DLGAP2: variants seen among roughly 807,000 people sequenced by gnomAD.
The protein encoded by DLGAP2 is DLG associated protein 2.
DLGAP2 carries 26 observed loss-of-function variants against 100.3 expected under a neutral mutation model. The ratio of observed to expected loss-of-function variants is 0.26; its 90% CI spans 0.19 to 0.36. The LOEUF (loss-of-function observed/expected upper bound fraction) is 0.36, where lower values mean the gene tolerates loss of function less well. Among genes scored for constraint, DLGAP2 ranks in the 10% least tolerant of loss-of-function variants. DLGAP2 has a pLI of 1.00. For missense variants in DLGAP2, 1,858 were observed against 1,453.2 expected, an observed-to-expected ratio of 1.28 and a Z score of -4.53; for synonymous variants, 886 against 630.1, an observed-to-expected ratio of 1.41 and a Z score of -6.08.
chr8:1,249,498 C>G lies in DLGAP2; in HGVS notation c.74-9353C>G, dbSNP rs181031032. Among the ~76,000 whole-genome samples the G allele has an allele frequency of 7.2e-5, 11 of 152,318 alleles. No homozygotes were observed. In the East Asian group the frequency reaches 2.1e-3, roughly 29 times the overall value. On this transcript the variant is annotated intron_variant, in intron 2 of 14. Transcript: ENST00000637795. ...ATAAAAAGCTAGGAAAGAGATTGCA[C>G]TGAACAATCTTTTGCTTGATGAAAT...
At chr8:1,589,589 C>G (rs1796229067) in intron 6 of DLGAP2, among the ~76,000 whole-genome samples, 2 of 152,306 alleles carry the variant, frequency 1.3e-5, no homozygotes, top group East Asian at 3.9e-4. Context: ...CTTGCGCCAC[C>G]ATGCCCAGCT....
intron 2 of DLGAP2, among the ~76,000 whole-genome samples, chr8:922,950 G>A (rs1160765434): frequency 6.6e-6 from 1 of 152,158 alleles, no homozygotes; most frequent in East Asian, 1.9e-4. Flanking sequence ...ATAGAGGGAG[G>A]TGCCCAGGGC....
chr8:1,484,158 AGGTGCCAAGGCCACAGCCTCCT>A lies in DLGAP2; in HGVS notation c.107-17205_107-17184del, dbSNP rs1421327085. Among the ~76,000 whole-genome samples, 3 of 152,214 alleles carry A rather than the reference AGGTGCCAAGGCCACAGCCTCCT, an allele frequency of 2.0e-5. No homozygotes were observed. The East Asian group carries it at 5.8e-4, about 29-fold the overall frequency. Reference sequence around the variant, plus strand: ...AGAGAGCAGCCAGGGCAGGCCCTCCAGGTGCCAAGGCCACAGCCTCCTGGGCTCTGAGCTCCATGAGCTTCTG... The same window carrying A: ...AGAGAGCAGCCAGGGCAGGCCCTCCAGGGCTCTGAGCTCCATGAGCTTCTG... On this transcript the variant is annotated intron_variant, in intron 3 of 14. Transcript: ENST00000637795.
chr8:1,548,873 G>A lies in DLGAP2; in HGVS notation c.420G>A (p.Ser140=), dbSNP rs1358785414. The change falls in exon 5 of 15, where the codon TCG becomes TCA. Residue 140 remains serine (S), a synonymous_variant. Coordinates refer to ENST00000637795, the MANE Select transcript of DLGAP2 (RefSeq NM_001346810.2). Reference sequence around the variant, plus strand: ...GCCACCGCTGCTCGCCGCGCAGCTCGGTGCACTCGGAGTGCGTGATGATGC... The same window carrying A: ...GCCACCGCTGCTCGCCGCGCAGCTCAGTGCACTCGGAGTGCGTGATGATGC... The part of the protein sequence containing the change: ...GGRHRCSPRS[S]VHSECVMMPV... 1.9e-6 allele frequency: 3 copies of A among 1,592,572 alleles called. No individual in the cohort carries two copies. The highest frequency in any genetic ancestry group is 1.1e-5 in the South Asian group (1 of 90,000).
At chr8:1,593,988 T>C (rs1467725054) in intron 6 of DLGAP2, among the ~76,000 whole-genome samples, 1 of 152,146 alleles carries the variant, frequency 6.6e-6, no homozygotes, top group Non-Finnish European at 1.5e-5. Flanking sequence ...TCCAGCCACA[T>C]AGGGGAGGAC....
chr8:1,043,807 G>C (rs1802440938), intron 2 of DLGAP2, among the ~76,000 whole-genome samples: 1 of 152,012 alleles, frequency 6.6e-6, no homozygotes, highest in African/African-American at 2.4e-5. Context: ...TCAGGGGTGG[G>C]CAATGCCTCT....
chr8:1,126,362 A>G (rs1193581849), intron 2 of DLGAP2, among the ~76,000 whole-genome samples: 1 of 152,034 alleles, frequency 6.6e-6, no homozygotes, highest in African/African-American at 2.4e-5. Flanking sequence ...GGAGGGAGGC[A>G]GGGGAGAGAA....
At chr8:1,287,471 C>CCT (rs1554434764) in intron 3 of DLGAP2, among the ~76,000 whole-genome samples, 1 of 23,330 alleles carries the variant, frequency 4.3e-5, no homozygotes, top group Non-Finnish European at 6.8e-5. Context: ...TTCGGTTCAG[C>CCT]GTGTGTGTGT....
At chr8:789,607 T>C (rs546509652) in intron 1 of DLGAP2, among the ~76,000 whole-genome samples, 6 of 152,308 alleles carry the variant, frequency 3.9e-5, no homozygotes, top group African/African-American at 1.4e-4. Flanking sequence ...GTTAGGTAAT[T>C]CTTATTCTTT....
chr8:1,603,365 G>A (rs1470301648), intron 6 of DLGAP2, among the ~76,000 whole-genome samples: 2 of 151,254 alleles, frequency 1.3e-5, no homozygotes, highest in African/African-American at 4.9e-5. Context: ...ATAGAGGCTG[G>A]TTAGAATGGA....
intron 3 of DLGAP2, among the ~76,000 whole-genome samples, chr8:1,342,173 C>CT (rs1232445513): frequency 6.6e-6 from 1 of 152,008 alleles, no homozygotes; most frequent in Non-Finnish European, 1.5e-5. Flanking sequence ...GTCTCAATAC[C>CT]TGGTCTCAAG....
chr8:1,345,918 C>G (rs1190449545), intron 3 of DLGAP2, among the ~76,000 whole-genome samples: 1 of 152,174 alleles, frequency 6.6e-6, no homozygotes, highest in Non-Finnish European at 1.5e-5. Context: ...TGAAGTGACT[C>G]CAGGCAGGAA....
intron 3 of DLGAP2, among the ~76,000 whole-genome samples, chr8:1,473,172 C>T (rs1798845908): frequency 6.6e-6 from 1 of 152,238 alleles, no homozygotes; most frequent in African/African-American, 2.4e-5. Context: ...CTCAGATGAT[C>T]CATCCGTCTT....
intron 2 of DLGAP2, among the ~76,000 whole-genome samples, chr8:1,010,575 C>T (rs994424562): frequency 6.6e-6 from 1 of 152,224 alleles, no homozygotes; most frequent in Non-Finnish European, 1.5e-5. Flanking sequence ...TACTGGTAAT[C>T]TGCAAGTCCA....
chr8:1,258,925 C>T lies in DLGAP2; in HGVS notation c.106+42C>T, dbSNP rs576960176. The T allele has an allele frequency of 1.1e-4, 140 of 1,230,732 alleles. 1 individual carries two copies. The East Asian group carries it at 3.7e-3, about 32-fold the overall frequency. The allele number at this position is 1,230,732 out of a possible 1,614,324, so 76.2% of individuals were successfully genotyped here. A position where few individuals can be genotyped will look rare whatever the true frequency, so the allele number is the denominator to read the frequency against. Reference sequence around the variant, plus strand: ...CTGCCTGGGGTGGGCGGGGGCCGCGCGGCTCACAGGTGTGTGGCTGGCAAC... The same window carrying T: ...CTGCCTGGGGTGGGCGGGGGCCGCGTGGCTCACAGGTGTGTGGCTGGCAAC... On this transcript the variant is annotated intron_variant, in intron 3 of 14. Coordinates refer to ENST00000637795, the MANE Select transcript of DLGAP2 (RefSeq NM_001346810.2).
chr8:1,006,197 A>C (rs1016997434), intron 2 of DLGAP2, among the ~76,000 whole-genome samples: 1 of 152,116 alleles, frequency 6.6e-6, no homozygotes, highest in Non-Finnish European at 1.5e-5. Context: ...TCAAAAAGAA[A>C]AGAAGAAATC....
intron 1 of DLGAP2, among the ~76,000 whole-genome samples, chr8:852,687 T>G (rs1345272656): frequency 6.6e-6 from 1 of 152,180 alleles, no homozygotes; most frequent in African/African-American, 2.4e-5. Context: ...TGCTAACACC[T>G]TGGCTACTTC....
intron 7 of DLGAP2, among the ~76,000 whole-genome samples, chr8:1,629,805 G>A (rs1396710299): frequency 6.6e-6 from 1 of 152,168 alleles, no homozygotes; most frequent in Non-Finnish European, 1.5e-5. Context: ...CAATTAAATG[G>A]ATCTCACACC....
At chr8:1,498,676 G>A (rs557472009) in intron 3 of DLGAP2, among the ~76,000 whole-genome samples, 2 of 152,208 alleles carry the variant, frequency 1.3e-5, no homozygotes, top group South Asian at 4.2e-4. Flanking sequence ...TAATGAAATC[G>A]GCATTTATAA....
Sources: gnomAD v4.1 joint callset for allele counts (sites outside exome capture counted in the v4.1 genomes callset) on GRCh38, gnomAD v4.1.1 for gene constraint, MANE v1.5 for transcripts, NCBI Gene and HGNC (gene_info 2026-07-23, HGNC 2026-07-21) for gene names.